Variants in GABPB1 observed in about 807,000 individuals in gnomAD.
GABPB1 encodes GA binding protein transcription factor subunit beta 1, also known as GA-binding protein subunit beta-1.
Under a neutral mutation model 45.9 loss-of-function variants are expected in GABPB1, and 15 were observed. The ratio of observed to expected loss-of-function variants is 0.33; its 90% CI spans 0.22 to 0.50. GABPB1 has a LOEUF of 0.50. Ranked by LOEUF, GABPB1 falls within the 20% of genes least tolerant of loss-of-function variation. The pLI is 0.98. For synonymous variants in GABPB1, 143 were observed against 154.4 expected, an observed-to-expected ratio of 0.93 and a Z score of 0.55; for missense variants, 252 against 457.5, an observed-to-expected ratio of 0.55 and a Z score of 4.10.
At chr15:50,317,815 A>C (rs139189133) in intron 1 of GABPB1, among the ~76,000 whole-genome samples, 2,661 of 151,570 alleles carry the variant, frequency 0.018, 44 homozygotes, top group Middle Eastern at 0.034. Flanking sequence ...AGGCTGAGGC[A>C]GGAGAATGGC....
intron 1 of GABPB1, among the ~76,000 whole-genome samples, 175 bp from the exon 2 acceptor site, chr15:50,309,973 G>T (rs1484957408): frequency 6.6e-6 from 1 of 152,158 alleles, no homozygotes; most frequent in East Asian, 1.9e-4. Flanking sequence ...TTGGATTTTA[G>T]AATCCATTTT....
intron 3 of GABPB1, 130 bp downstream of exon 3, chr15:50,303,836 G>C: frequency 3.2e-6 from 2 of 630,338 alleles, no homozygotes. Flanking sequence ...CATTTAATGG[G>C]CTTATACACA....
At chr15:50,324,203 C>CAA (rs10714565) in intron 1 of GABPB1, among the ~76,000 whole-genome samples, 1 of 146,544 alleles carries the variant, frequency 6.8e-6, no homozygotes. Context: ...GACCTCATCT[C>CAA]AAAAAAAAAA....
intron 1 of GABPB1, among the ~76,000 whole-genome samples, chr15:50,348,094 C>G: frequency 6.7e-6 from 1 of 148,530 alleles, no homozygotes; most frequent in East Asian, 2.0e-4. Flanking sequence ...GTAAAAGTAT[C>G]TTATCCCTCA....
intron 8 of GABPB1, among the ~76,000 whole-genome samples, chr15:50,281,369 G>A (rs1470199896): frequency 1.5e-5 from 2 of 136,940 alleles, no homozygotes; most frequent in Non-Finnish European, 3.5e-5. Context: ...ACGCCACCAT[G>A]CTCAGCTAAT....
chr15:50,279,228 T>C (rs762073173), intron 8 of GABPB1, among the ~76,000 whole-genome samples: 1 of 152,134 alleles, frequency 6.6e-6, no homozygotes, highest in African/African-American at 2.4e-5. Context: ...TTTCCAACAA[T>C]AAGCATCTAA....
chr15:50,302,206 T>C (rs894314471), intron 4 of GABPB1, among the ~76,000 whole-genome samples: 3 of 152,114 alleles, frequency 2.0e-5, no homozygotes, highest in Admixed American at 6.5e-5. Flanking sequence ...TGCTGAAAGA[T>C]AAAAGAAACA....
intron 1 of GABPB1, among the ~76,000 whole-genome samples, chr15:50,326,623 T>C (rs772013145): frequency 3.3e-5 from 5 of 151,900 alleles, no homozygotes; most frequent in Admixed American, 1.3e-4. Context: ...GACGGCGCCA[T>C]TGCACTCCAG....
At chr15:50,309,261 C>T (rs910907073) in intron 2 of GABPB1, among the ~76,000 whole-genome samples, 3 of 152,058 alleles carry the variant, frequency 2.0e-5, no homozygotes, top group African/African-American at 4.8e-5. Context: ...CTTCCTCTTT[C>T]GTCATGTCTG....
At chr15:50,300,023 G>A (rs2046670971) in intron 6 of GABPB1, among the ~76,000 whole-genome samples, 1 of 152,008 alleles carries the variant, frequency 6.6e-6, no homozygotes, top group Non-Finnish European at 1.5e-5. Flanking sequence ...TCACCATGTT[G>A]CCCAGGGTTC....
intron 1 of GABPB1, among the ~76,000 whole-genome samples, chr15:50,348,372 G>A (rs181404792): frequency 0.011 from 1,694 of 152,000 alleles, 21 homozygotes; most frequent in Non-Finnish European, 0.016. Context: ...CTCCCACCTC[G>A]GCCTCCCGAG....
intron 1 of GABPB1, among the ~76,000 whole-genome samples, chr15:50,312,819 G>C (rs1020004035): frequency 6.6e-6 from 1 of 152,166 alleles, no homozygotes; most frequent in African/African-American, 2.4e-5. Flanking sequence ...TTTGTGAAGT[G>C]AGAGTTTAGG....
chr15:50,285,012 G>A (rs1233257784), intron 8 of GABPB1, among the ~76,000 whole-genome samples: 1 of 152,088 alleles, frequency 6.6e-6, no homozygotes, highest in East Asian at 1.9e-4. Context: ...GTGGTGTGGT[G>A]AAAGATGTAC....
chr15:50,298,055 C>G (rs76344295), intron 6 of GABPB1, among the ~76,000 whole-genome samples: 1 of 152,260 alleles, frequency 6.6e-6, no homozygotes, highest in South Asian at 2.1e-4. Flanking sequence ...AGAAGAAAAG[C>G]CGTTTTACTT....
intron 1 of GABPB1, among the ~76,000 whole-genome samples, chr15:50,320,745 G>A (rs755493436): frequency 1.3e-5 from 2 of 152,142 alleles, no homozygotes; most frequent in Non-Finnish European, 2.9e-5. Context: ...GATCAGAATA[G>A]GAGATGTGAC....
At chr15:50,350,895 C>T (rs1595859131) in intron 1 of GABPB1, 1 of 152,204 alleles carries the variant, frequency 6.6e-6, no homozygotes, top group East Asian at 1.9e-4. Flanking sequence ...AACTCCAAAT[C>T]CTTAAAAGTG....
chr15:50,332,724 T>C (rs1022996621), intron 1 of GABPB1, among the ~76,000 whole-genome samples: 9 of 152,110 alleles, frequency 5.9e-5, no homozygotes, highest in African/African-American at 2.2e-4. Context: ...CTCTTCTCTT[T>C]TACATATTTA....
At chr15:50,301,147 C>A in intron 5 of GABPB1, 110 bp downstream of exon 5, 1 of 1,428,002 alleles carries the variant, frequency 7.0e-7, no homozygotes, top group East Asian at 2.3e-5. Context: ...CATTCTCCAA[C>A]CGTCCTTTCT....
chr15:50,303,202 T>C, intron 3 of GABPB1, 79 bp from the exon 4 acceptor site: 1 of 1,097,962 alleles, frequency 9.1e-7, no homozygotes, highest in Non-Finnish European at 1.3e-6. Flanking sequence ...ATTAGTTCTG[T>C]GCTTTAAAGC....
Sources: gnomAD v4.1 joint callset for allele counts (sites outside exome capture counted in the v4.1 genomes callset) on GRCh38, gnomAD v4.1.1 for gene constraint, MANE v1.5 for transcripts, NCBI Gene and HGNC (gene_info 2026-07-23, HGNC 2026-07-21) for gene names.